Variants in B3GALT1 observed in about 807,000 individuals in gnomAD.
The protein encoded by B3GALT1 is beta-1,3-galactosyltransferase 1, also known as UDP-Gal:betaGlcNAc beta 1,3-galactosyltransferase, polypeptide 1.
In B3GALT1, 10 loss-of-function variants were observed where a neutral mutation model predicts 23.2. The ratio of observed to expected loss-of-function variants is 0.43; its 90% CI spans 0.27 to 0.73. The LOEUF is 0.73. Ranked by LOEUF, B3GALT1 falls within the 30% of genes least tolerant of loss-of-function variation. The pLI is 0.21. For missense variants in B3GALT1, 299 were observed against 405.4 expected (o/e 0.74, Z 2.25); for synonymous variants, 156 against 141.5 (o/e 1.10, Z -0.73).
chr2:167,474,361 C>G (rs4384747), intron 1 of B3GALT1, among the ~76,000 whole-genome samples: 124,209 of 152,108 alleles, frequency 0.82, 51,490 homozygotes, highest in East Asian at 0.92. Context: ...GTCATCTATC[C>G]TTTCCCTTGT....
At chr2:167,648,765 C>T (rs540001674) in intron 3 of B3GALT1, among the ~76,000 whole-genome samples, 6 of 152,010 alleles carry the variant, frequency 3.9e-5, no homozygotes, top group African/African-American at 7.2e-5. Flanking sequence ...CTATTTCATC[C>T]GGTAGCCCCC....
Position 167,869,433 on chromosome 2 carries a change from C to A in B3GALT1, c.394C>A (p.Gln132Lys). 1 of 1,613,996 alleles carries A rather than the reference C, an allele frequency of 6.2e-7. No homozygotes were observed. Among genetic ancestry groups the A allele is most frequent in the Non-Finnish European group, 8.5e-7 (1 of 1,180,004 alleles). The change falls in exon 5 of 5, where the codon CAA (glutamine) becomes AAA (lysine). Residue 132 changes from glutamine (Q) to lysine (K), a missense_variant. This residue lies in a region of B3GALT1 where 162 missense variants were observed against 184.1 expected (regional missense o/e 0.88). Coordinates refer to ENST00000392690, the MANE Select transcript of B3GALT1 (RefSeq NM_020981.4). This position sits in a 1 kb window ranked among gnomAD's most constrained non-coding sequence, Gnocchi z 6.4. ...ADPVLNQMVE[Q>K]ESQIFHDIIV... ...TCCTGTTCTCAATCAGATGGTGGAG[C>A]AAGAGAGCCAAATCTTCCATGATAT...
Position 167,554,712 on chromosome 2 carries a change from C to CTAT in B3GALT1, c.-410+64437_-410+64439dup, listed in dbSNP as rs1683813656. ...ACATCTTCCACAAAAGATTTTTTGC[C>CTAT]TATTTGCCTGAAGATTATTTTAAGC... On this transcript the variant is annotated intron_variant, in intron 2 of 4. Transcript: ENST00000392690. 1.3e-5 allele frequency among the ~76,000 whole-genome samples: 2 copies of CTAT among 152,044 alleles called. 1 individual carries two copies. The highest frequency in any genetic ancestry group is 4.1e-4 in the South Asian group (2 of 4,828).
At chr2:167,482,750 G>A (rs1375439472) in intron 1 of B3GALT1, among the ~76,000 whole-genome samples, 1 of 152,118 alleles carries the variant, frequency 6.6e-6, no homozygotes, top group Non-Finnish European at 1.5e-5. Flanking sequence ...TGAGGCAGGA[G>A]AATCACTTGA....
intron 1 of B3GALT1, among the ~76,000 whole-genome samples, chr2:167,481,759 G>A (rs1030879440): frequency 6.6e-6 from 1 of 152,066 alleles, no homozygotes; most frequent in Non-Finnish European, 1.5e-5. Context: ...AGCCAAACCT[G>A]GAATCTTCAC....
At chr2:167,624,646 A>G (rs955636140) in intron 2 of B3GALT1, among the ~76,000 whole-genome samples, 3 of 151,984 alleles carry the variant, frequency 2.0e-5, no homozygotes, top group South Asian at 2.1e-4. Flanking sequence ...TATATCCACT[A>G]TATTATATGA....
At chr2:167,719,408 A>G (rs909634456) in intron 3 of B3GALT1, among the ~76,000 whole-genome samples, 2 of 152,224 alleles carry the variant, frequency 1.3e-5, no homozygotes, top group African/African-American at 4.8e-5. Context: ...ATACTAAATG[A>G]TTGTAAGTGC....
At chr2:167,422,216 C>G (rs1698558221) in intron 1 of B3GALT1, among the ~76,000 whole-genome samples, 1 of 152,028 alleles carries the variant, frequency 6.6e-6, no homozygotes, top group African/African-American at 2.4e-5. Flanking sequence ...GTCTCTCTCT[C>G]TCCCCCGCCC....
intron 2 of B3GALT1, among the ~76,000 whole-genome samples, chr2:167,515,227 A>G (rs1700082134): frequency 6.6e-6 from 1 of 152,128 alleles, no homozygotes; most frequent in Non-Finnish European, 1.5e-5. Flanking sequence ...AACATTAGAG[A>G]TTTTCCTCTA....
At chr2:167,483,944 A>G (rs1302328686) in intron 1 of B3GALT1, among the ~76,000 whole-genome samples, 1 of 152,172 alleles carries the variant, frequency 6.6e-6, no homozygotes, top group Non-Finnish European at 1.5e-5. Context: ...CTCTGTCTCT[A>G]TTGCACACAA....
intron 1 of B3GALT1, among the ~76,000 whole-genome samples, chr2:167,371,646 A>G (rs146945841): frequency 5.6e-4 from 85 of 152,232 alleles, no homozygotes; most frequent in African/African-American, 1.9e-3. Flanking sequence ...ATTCTTAGAG[A>G]TTATCCAATC....
Position 167,671,858 on chromosome 2 carries a change from A to G in B3GALT1, c.-352+24892A>G, listed in dbSNP as rs563121386. On this transcript the variant is annotated intron_variant, in intron 3 of 4. Coordinates refer to ENST00000392690, the MANE Select transcript of B3GALT1 (RefSeq NM_020981.4). The stretch of plus-strand genomic sequence containing the variant: ...GACAAAACTAAAAGTTGGTTTTTTG[A>G]AAAGATTGACATTTAGCTAGACTAT... 6.5e-4 allele frequency among the ~76,000 whole-genome samples: 99 copies of G among 152,234 alleles called. 1 individual carries two copies. Among genetic ancestry groups the G allele is most frequent in the Non-Finnish European group, 3.1e-4 (21 of 67,990 alleles).
intron 1 of B3GALT1, among the ~76,000 whole-genome samples, chr2:167,389,736 G>A (rs2105281623): frequency 6.6e-6 from 1 of 152,008 alleles, no homozygotes; most frequent in African/African-American, 2.4e-5. Flanking sequence ...AAAAGAGGAT[G>A]GCCAGGTGAA....
chr2:167,355,663 T>G (rs1027221040), intron 1 of B3GALT1, among the ~76,000 whole-genome samples: 1 of 152,208 alleles, frequency 6.6e-6, no homozygotes, highest in Admixed American at 6.5e-5. Context: ...CCCTGTCTTA[T>G]GTTTTTTATA....
intron 3 of B3GALT1, among the ~76,000 whole-genome samples, chr2:167,791,082 G>A (rs865894119): frequency 4.6e-5 from 7 of 152,206 alleles, no homozygotes; most frequent in East Asian, 1.9e-4. Context: ...CTTACACAGC[G>A]CTTCCTATGT....
intron 3 of B3GALT1, among the ~76,000 whole-genome samples, chr2:167,744,572 T>C (rs1185266960): frequency 1.3e-5 from 2 of 152,136 alleles, no homozygotes; most frequent in Non-Finnish European, 2.9e-5. Context: ...AATTTTCTGT[T>C]TTCTTATAGG....
intron 3 of B3GALT1, among the ~76,000 whole-genome samples, chr2:167,650,744 A>G (rs537018871): frequency 2.6e-5 from 4 of 152,088 alleles, no homozygotes; most frequent in Non-Finnish European, 5.9e-5. Context: ...CAAATTTAGT[A>G]GCTTCTGTAC....
intron 3 of B3GALT1, among the ~76,000 whole-genome samples, chr2:167,806,529 G>A (rs533793635): frequency 8.5e-5 from 13 of 152,090 alleles, no homozygotes; most frequent in Non-Finnish European, 1.9e-4. Flanking sequence ...TAGCATGAAG[G>A]GCTGTTGAAT....
chr2:167,742,187 G>A (rs530757572), intron 3 of B3GALT1, among the ~76,000 whole-genome samples: 32 of 152,290 alleles, frequency 2.1e-4, no homozygotes, highest in Admixed American at 1.8e-3. Context: ...GGTTTTTGAT[G>A]AAATACTTGC....
Sources: gnomAD v4.1 joint callset for allele counts (sites outside exome capture counted in the v4.1 genomes callset) on GRCh38, gnomAD v4.1.1 for gene constraint, gnomAD v4.1.1 regional missense constraint, Gnocchi (gnomAD v3.1) non-coding constraint, MANE v1.5 for transcripts, NCBI Gene and HGNC (gene_info 2026-07-23, HGNC 2026-07-21) for gene names.